SIK3: variants seen among roughly 807,000 people sequenced by gnomAD.
SIK3 encodes serine/threonine-protein kinase SIK3.
In SIK3, 28 loss-of-function variants were observed where a neutral mutation model predicts 144.2. The observed-to-expected ratio is 0.19, with a 90% CI of 0.14 to 0.27. The LOEUF is 0.27. Ranked by LOEUF, SIK3 falls within the 10% of genes least tolerant of loss-of-function variation. The pLI, the probability that SIK3 is intolerant of heterozygous loss-of-function variation, is 1.00. For missense variants in SIK3, 1,319 were observed against 1,776.0 expected (o/e 0.74, Z 4.62); for synonymous variants, 686 against 676.3 (o/e 1.01, Z -0.22).
chr11:117,089,185 C>T (rs1456474460), intron 1 of SIK3, among the ~76,000 whole-genome samples: 3 of 151,866 alleles, frequency 2.0e-5, no homozygotes, highest in Admixed American at 2.0e-4. Context: ...GCGGGCAGAT[C>T]ACGAGGTCAG....
At chr11:116,965,550 A>C (rs1182209448) in intron 1 of SIK3, among the ~76,000 whole-genome samples, 2 of 151,400 alleles carry the variant, frequency 1.3e-5, no homozygotes, top group Non-Finnish European at 2.9e-5. Flanking sequence ...TGATGGCTTA[A>C]TTTTAAGGTT....
intron 4 of SIK3, among the ~76,000 whole-genome samples, chr11:116,926,541 CAG>C (rs1190502826): frequency 6.6e-6 from 1 of 152,186 alleles, no homozygotes; most frequent in African/African-American, 2.4e-5. Context: ...TGCTCTGTGT[CAG>C]CAGTGACATA....
intron 1 of SIK3, among the ~76,000 whole-genome samples, chr11:116,975,881 T>C (rs1279112753): frequency 6.6e-6 from 1 of 152,216 alleles, no homozygotes. Context: ...ACACTTGTTA[T>C]TGTCCATCTT....
rs1182331838 is a variant in SIK3, at chr11:116,915,153, T to TGTGTGTGTGTGTGTGTGTGTGCGC, written c.616+12065_616+12066insGCGCACACACACACACACACACAC. 2.1e-4 allele frequency among the ~76,000 whole-genome samples: 31 copies of TGTGTGTGTGTGTGTGTGTGTGCGC among 149,210 alleles called. 1 individual carries two copies. The highest frequency in any genetic ancestry group is 7.4e-4 in the African/African-American group (30 of 40,508). On this transcript the variant is annotated intron_variant, in intron 4 of 24. Transcript: ENST00000445177. ...GTGTGTGTGTGTGTGTGTGTGTGTG[T>TGTGTGTGTGTGTGTGTGTGTGCGC]GTGTGTGTATGTGTATTTTTTCTTT...
chr11:116,925,333 T>C (rs1947217490), intron 4 of SIK3, among the ~76,000 whole-genome samples: 1 of 152,154 alleles, frequency 6.6e-6, no homozygotes, highest in African/African-American at 2.4e-5. Flanking sequence ...CAAAGGTCCT[T>C]GCAAGAGGGA....
rs1180369437 is a variant in SIK3, at chr11:116,954,024, A to T, written c.454+20T>A. 1 of 1,606,974 alleles carries T rather than the reference A, an allele frequency of 6.2e-7. No homozygotes were observed. Among genetic ancestry groups the T allele is most frequent in the Non-Finnish European group, 8.5e-7 (1 of 1,174,058 alleles). ...TAGTGTGCTCAATAGCTGTTTAAAG[A>T]ATGCAATAAATGTACTTACCAAATA... On this transcript the variant is annotated intron_variant, in intron 3 of 24. Coordinates refer to ENST00000445177, the MANE Select transcript of SIK3 (RefSeq NM_001366686.3).
chr11:117,056,202 A>G (rs948390908), intron 1 of SIK3, among the ~76,000 whole-genome samples: 2 of 152,232 alleles, frequency 1.3e-5, no homozygotes, highest in Non-Finnish European at 2.9e-5. Flanking sequence ...GCCATAAAAA[A>G]GGATGAGTTC....
chr11:116,866,228 A>T (rs962904128), intron 15 of SIK3, among the ~76,000 whole-genome samples: 1 of 152,196 alleles, frequency 6.6e-6, no homozygotes, highest in Admixed American at 6.5e-5. Context: ...CTAGCATTCA[A>T]CAAGGATACC....
intron 1 of SIK3, among the ~76,000 whole-genome samples, chr11:117,064,368 T>C (rs1478660030): frequency 3.3e-5 from 5 of 152,236 alleles, no homozygotes; most frequent in African/African-American, 4.8e-5. Flanking sequence ...ATATTACTTA[T>C]TGCCTCTCAC....
intron 6 of SIK3, among the ~76,000 whole-genome samples, chr11:116,879,737 T>C (rs543382016): frequency 1.4e-3 from 218 of 152,358 alleles, no homozygotes; most frequent in African/African-American, 5.1e-3. Flanking sequence ...CAATTAAAAC[T>C]ATATTCAAAT....
Position 116,887,142 on chromosome 11 carries a change from C to T in SIK3, c.865+9111G>A, listed in dbSNP as rs536361539. On this transcript the variant is annotated intron_variant, in intron 6 of 24. Transcript: ENST00000445177. ...AACCATGGCTGGGCGTGATGGCTCA[C>T]GCCTATGATCCCAGCATTTTGGGAG... Among the ~76,000 whole-genome samples, 22 of 151,428 alleles carry T rather than the reference C, an allele frequency of 1.5e-4. No individual in the cohort carries two copies. The East Asian group carries it at 2.3e-3, about 16-fold the overall frequency.
At chr11:116,974,892 C>G in intron 1 of SIK3, among the ~76,000 whole-genome samples, 1 of 152,022 alleles carries the variant, frequency 6.6e-6, no homozygotes, top group East Asian at 1.9e-4. Flanking sequence ...CCTGTACTGC[C>G]AGAAAGCAAA....
chr11:117,086,473 C>T (rs12274465), intron 1 of SIK3, among the ~76,000 whole-genome samples: 59,637 of 151,982 alleles, frequency 0.39, 14,855 homozygotes, highest in African/African-American at 0.71. Flanking sequence ...GAGTGGATCA[C>T]GAGGTAGGAG....
intron 3 of SIK3, among the ~76,000 whole-genome samples, chr11:116,944,788 G>C (rs546682079): frequency 1.3e-5 from 2 of 152,276 alleles, no homozygotes; most frequent in South Asian, 4.1e-4. Flanking sequence ...GGAATTTCCT[G>C]AACTTGTAGG....
At chr11:116,973,601 A>AG (rs956644213) in intron 1 of SIK3, among the ~76,000 whole-genome samples, 1 of 152,102 alleles carries the variant, frequency 6.6e-6, no homozygotes, top group Non-Finnish European at 1.5e-5. Context: ...ACATTATGAA[A>AG]GGGGGGGAAA....
At chr11:117,092,856 T>G (rs1955309008) in intron 1 of SIK3, among the ~76,000 whole-genome samples, 1 of 152,168 alleles carries the variant, frequency 6.6e-6, no homozygotes, top group Non-Finnish European at 1.5e-5. Context: ...AAACAGCACT[T>G]CTGGCACAGA....
At position 116,858,066 on chromosome 11, in the gene SIK3, G is replaced by C. The variant is rs754339951; in HGVS notation, c.3399C>G (p.His1133Gln). 3.7e-6 allele frequency: 6 copies of C among 1,613,744 alleles called. No homozygotes were observed. The highest frequency in any genetic ancestry group is 5.1e-6 in the Non-Finnish European group (6 of 1,179,828). The change falls in exon 21 of 25, where the codon CAC (histidine) becomes CAG (glutamine). Residue 1133 changes from histidine (H) to glutamine (Q), a missense_variant. His to Gln is a conservative substitution (Grantham distance 24, BLOSUM62 0). Around this residue, in one of 8 missense-constraint regions of SIK3, gnomAD observed 646 missense variants for 763.7 expected, o/e 0.85. Transcript: ENST00000445177. This position sits in a 1 kb window ranked among gnomAD's most constrained non-coding sequence, Gnocchi z 5.4. Reference sequence around the variant, plus strand: ...TCTCTGAATGCATCAGTGCCGGCTGGTGAGCATACCCGTGGGGCGGGGTGG... The same window carrying C: ...TCTCTGAATGCATCAGTGCCGGCTGCTGAGCATACCCGTGGGGCGGGGTGG... The part of the protein sequence containing the change: ...SSPTPPHGYA[H>Q]QPALMHSESM...
At chr11:117,043,158 G>A (rs1446572374) in intron 1 of SIK3, among the ~76,000 whole-genome samples, 1 of 152,062 alleles carries the variant, frequency 6.6e-6, no homozygotes, top group African/African-American at 2.4e-5. Context: ...AGTAGTTTTT[G>A]ATTCAGCAAA....
At chr11:117,020,549 C>T (rs992550794) in intron 1 of SIK3, among the ~76,000 whole-genome samples, 4 of 152,136 alleles carry the variant, frequency 2.6e-5, no homozygotes, top group African/African-American at 9.7e-5. Context: ...CCACCCTCAA[C>T]CTCCAGGGAA....
Sources: gnomAD v4.1 joint callset for allele counts (sites outside exome capture counted in the v4.1 genomes callset) on GRCh38, gnomAD v4.1.1 for gene constraint, gnomAD v4.1.1 regional missense constraint, Gnocchi (gnomAD v3.1) non-coding constraint, MANE v1.5 for transcripts, NCBI Gene and HGNC (gene_info 2026-07-23, HGNC 2026-07-21) for gene names.